The following GLRA1 variants were observed in gnomAD, a reference collection of about 807,000 sequenced individuals.
GLRA1 encodes glycine receptor subunit alpha-1.
GLRA1 carries 37 observed loss-of-function variants against 48.3 expected under a neutral mutation model. The observed-to-expected ratio is 0.77, with a 90% CI of 0.59 to 1.01. GLRA1 has a LOEUF of 1.01. GLRA1 is among the 50% of genes least tolerant of loss of function. GLRA1 has a pLI of 0.00. For missense variants in GLRA1, 427 were observed against 571.0 expected (o/e 0.75, Z 2.57); for synonymous variants, 196 against 210.7 (o/e 0.93, Z 0.60).
At chr5:151,846,907 T>G (rs1482111180) in intron 7 of GLRA1, among the ~76,000 whole-genome samples, 1 of 152,202 alleles carries the variant, frequency 6.6e-6, no homozygotes, top group East Asian at 1.9e-4. Context: ...TGTGATAATG[T>G]CATTGTGATT....
chr5:151,851,351 T>C (rs374914599), intron 7 of GLRA1, 39 bp downstream of exon 7: 50 of 1,346,528 alleles, frequency 3.7e-5, no homozygotes, highest in Non-Finnish European at 5.3e-5. Flanking sequence ...CTGTCCTTAT[T>C]TGTCCAGGTG....
At chr5:151,823,111 T>C (rs1763185483) in intron 8 of GLRA1, 148 bp from the exon 9 acceptor site, 1 of 723,012 alleles carries the variant, frequency 1.4e-6, no homozygotes, top group African/African-American at 1.8e-5. Context: ...GGAGGCTTTT[T>C]GGCTGGCTGG....
chr5:151,828,325 C>T (rs1464333382), intron 8 of GLRA1, among the ~76,000 whole-genome samples: 1 of 152,220 alleles, frequency 6.6e-6, no homozygotes, highest in Non-Finnish European at 1.5e-5. Flanking sequence ...AGGCTGCATG[C>T]TCCCCATTGG....
intron 3 of GLRA1, among the ~76,000 whole-genome samples, chr5:151,883,478 C>T (rs1268988515): frequency 6.6e-6 from 1 of 152,184 alleles, no homozygotes; most frequent in Admixed American, 6.5e-5. Context: ...GCACAGTCAC[C>T]AAGTAGCTTT....
At chr5:151,823,300 T>C (rs1763190637) in intron 8 of GLRA1, among the ~76,000 whole-genome samples, 1 of 152,200 alleles carries the variant, frequency 6.6e-6, no homozygotes, top group Non-Finnish European at 1.5e-5. Flanking sequence ...TATTTCATTT[T>C]TTCTTCTACC....
intron 7 of GLRA1, among the ~76,000 whole-genome samples, chr5:151,836,095 A>C (rs1177469633): frequency 6.6e-6 from 1 of 152,238 alleles, no homozygotes; most frequent in Non-Finnish European, 1.5e-5. Flanking sequence ...TTAAGTTGAT[A>C]AGCAACTTTA....
At chr5:151,854,200 G>A (rs1752978499) in intron 6 of GLRA1, among the ~76,000 whole-genome samples, 1 of 152,210 alleles carries the variant, frequency 6.6e-6, no homozygotes, top group Non-Finnish European at 1.5e-5. Context: ...TATCTTTGGA[G>A]GTTCTGAAAC....
chr5:151,854,001 G>A (rs149342780), intron 6 of GLRA1, among the ~76,000 whole-genome samples: 2 of 152,256 alleles, frequency 1.3e-5, no homozygotes, highest in African/African-American at 2.4e-5. Flanking sequence ...AGAACATCAC[G>A]TTGCATACCT....
At chr5:151,856,220 G>A (rs937195339) in intron 5 of GLRA1, 81 bp downstream of exon 5, 15 of 889,086 alleles carry the variant, frequency 1.7e-5, no homozygotes, top group Non-Finnish European at 2.5e-5. Context: ...GTGGTTAGGA[G>A]CAGCTGTGTG....
Position 151,869,761 on chromosome 5 carries a change from A to T in GLRA1, c.253-9753T>A, listed in dbSNP as rs976180492. On this transcript the variant is annotated intron_variant, in intron 3 of 8. Coordinates refer to ENST00000274576, the MANE Select transcript of GLRA1 (RefSeq NM_000171.4). ...AAACAAAACAACAACAACAAAAAAA[A>T]CCTTTTCATCAACCTAGCATACTGG... Among the ~76,000 whole-genome samples the T allele has an allele frequency of 3.3e-5, 5 of 149,628 alleles. No homozygotes were observed. The South Asian group carries it at 6.3e-4, about 19-fold the overall frequency.
intron 1 of GLRA1, among the ~76,000 whole-genome samples, chr5:151,903,739 A>G (rs1410129896): frequency 6.6e-6 from 1 of 152,228 alleles, no homozygotes; most frequent in Non-Finnish European, 1.5e-5. Flanking sequence ...GCTACTACCA[A>G]TGACCAAATG....
At chr5:151,918,660 G>A (rs989059598) in intron 1 of GLRA1, among the ~76,000 whole-genome samples, 2 of 152,204 alleles carry the variant, frequency 1.3e-5, no homozygotes, top group Non-Finnish European at 2.9e-5. Context: ...AATTGCGAGG[G>A]ATTGTCTCTG....
At chr5:151,910,025 C>G (rs1418208873) in intron 1 of GLRA1, among the ~76,000 whole-genome samples, 1 of 152,146 alleles carries the variant, frequency 6.6e-6, no homozygotes, top group Non-Finnish European at 1.5e-5. Context: ...TATAATATAA[C>G]TCTAGCCTTC....
chr5:151,860,349 G>A (rs1313213946), intron 3 of GLRA1, among the ~76,000 whole-genome samples: 1 of 152,068 alleles, frequency 6.6e-6, no homozygotes, highest in Non-Finnish European at 1.5e-5. Context: ...ATTTTGTCAT[G>A]TTTGCTTCAT....
intron 3 of GLRA1, among the ~76,000 whole-genome samples, chr5:151,878,854 G>A (rs1051654171): frequency 1.1e-4 from 17 of 152,208 alleles, no homozygotes; most frequent in African/African-American, 4.1e-4. Context: ...TGCTGCAGGG[G>A]TGGGGCCCTC....
At chr5:151,854,374 T>C (rs1186923540) in intron 6 of GLRA1, among the ~76,000 whole-genome samples, 1 of 152,222 alleles carries the variant, frequency 6.6e-6, no homozygotes, top group Non-Finnish European at 1.5e-5. Flanking sequence ...CTCTCTACTC[T>C]GTGCATCTGG....
chr5:151,880,476 C>T (rs746395070), intron 3 of GLRA1, among the ~76,000 whole-genome samples: 26 of 152,242 alleles, frequency 1.7e-4, no homozygotes, highest in Non-Finnish European at 3.2e-4. Context: ...AGCAGGGGTC[C>T]TGGCCACAGT....
At chr5:151,850,603 C>T (rs769768040) in intron 7 of GLRA1, 303 of 1,474,226 alleles carry the variant, frequency 2.1e-4, no homozygotes, top group South Asian at 6.6e-4. Flanking sequence ...CCAACATCAA[C>T]GACTTTTCTG....
chr5:151,879,329 C>CTTT (rs35141091), intron 3 of GLRA1, among the ~76,000 whole-genome samples: 86,219 of 147,732 alleles, frequency 0.58, 25,099 homozygotes, highest in East Asian at 0.68. Context: ...AACTAACTTC[C>CTTT]TTTTTTTTTT....
Sources: gnomAD v4.1 joint callset for allele counts (sites outside exome capture counted in the v4.1 genomes callset) on GRCh38, gnomAD v4.1.1 for gene constraint, MANE v1.5 for transcripts, NCBI Gene and HGNC (gene_info 2026-07-23, HGNC 2026-07-21) for gene names.